The following RANBP2 variants were observed in gnomAD, a reference collection of about 807,000 sequenced individuals.
RANBP2 encodes E3 SUMO-protein ligase RanBP2.
RANBP2 carries 57 observed loss-of-function variants against 303.6 expected under a neutral mutation model. That is an observed-to-expected ratio of 0.19 (90% confidence interval 0.15 to 0.23). The LOEUF (loss-of-function observed/expected upper bound fraction) is 0.23, where lower values mean the gene tolerates loss of function less well. RANBP2 is among the 10% of genes least tolerant of loss of function. The probability of loss-of-function intolerance (pLI) is 1.00; values close to 1 mark genes in which losing one functional copy is unlikely to be tolerated. For synonymous variants in RANBP2, 1,167 were observed against 1,301.5 expected (o/e 0.90, Z 2.23); for missense variants, 3,138 against 3,780.8 (o/e 0.83, Z 4.46).
At chr2:108,815,468 T>TG in the RANBP2 span, among the ~76,000 whole-genome samples, 12 of 136,284 alleles carry the variant, frequency 8.8e-5, no homozygotes, top group South Asian at 2.4e-4. Context: ...GGTGTTTTTT[T>TG]TTTTTTTTTT....
the RANBP2 span, chr2:109,546,090 C>A: frequency 2.5e-6 from 4 of 1,603,426 alleles, no homozygotes; most frequent in Admixed American, 1.7e-5. Context: ...CTGCCTGTTG[C>A]CAGAAAGGAC....
At chr2:109,064,242 G>T in the RANBP2 span, among the ~76,000 whole-genome samples, 4 of 152,088 alleles carry the variant, frequency 2.6e-5, no homozygotes, top group Admixed American at 2.6e-4. Context: ...TGCCGAGGTG[G>T]GCGGATCACA....
At chr2:109,638,242 AAG>A in the RANBP2 span, among the ~76,000 whole-genome samples, 1 of 152,192 alleles carries the variant, frequency 6.6e-6, no homozygotes, top group East Asian at 1.9e-4. Flanking sequence ...AAACAGGCAA[AAG>A]AGTTAAGAGT....
chr2:109,172,767 A>T, the RANBP2 span, among the ~76,000 whole-genome samples: 1 of 152,216 alleles, frequency 6.6e-6, no homozygotes, highest in African/African-American at 2.4e-5. Context: ...TAGCTAAGAA[A>T]CCAAACTGCA....
At chr2:109,414,918 G>A in the RANBP2 span, among the ~76,000 whole-genome samples, 1 of 152,228 alleles carries the variant, frequency 6.6e-6, no homozygotes, top group Non-Finnish European at 1.5e-5. Context: ...ACCTGAGAAT[G>A]TGTCACCTCA....
chr2:108,812,824 A>C, the RANBP2 span: 1 of 1,612,800 alleles, frequency 6.2e-7, no homozygotes, highest in East Asian at 2.2e-5. Context: ...TTGCAGAGGA[A>C]GTACGAGTTT....
the RANBP2 span, among the ~76,000 whole-genome samples, chr2:109,205,375 A>G: frequency 6.6e-6 from 1 of 151,776 alleles, no homozygotes; most frequent in Non-Finnish European, 1.5e-5. Flanking sequence ...AGCTGGGACT[A>G]CAGGCATGCA....
rs868609090 is a variant in RANBP2, at chr2:108,750,688, A to G, written c.1274-576A>G. On this transcript the variant is annotated intron_variant, in intron 9 of 28. Coordinates refer to ENST00000283195, the MANE Select transcript of RANBP2 (RefSeq NM_006267.5). ...CTGCAACTTCCGCCTGCCAGGTTCA[A>G]GCAATTGTCTTGCCTCAGCCTCCCA... 6.6e-5 allele frequency among the ~76,000 whole-genome samples: 10 copies of G among 152,042 alleles called. No individual in the cohort carries two copies. The Middle Eastern group carries it at 0.024, about 364-fold the overall frequency.
At chr2:109,004,950 TCTCA>T in the RANBP2 span, among the ~76,000 whole-genome samples, 2 of 152,198 alleles carry the variant, frequency 1.3e-5, no homozygotes, top group Admixed American at 6.5e-5. Context: ...TATCACTAAT[TCTCA>T]CTCACATATG....
At chr2:109,537,217 CCTT>C in the RANBP2 span, among the ~76,000 whole-genome samples, 4 of 152,172 alleles carry the variant, frequency 2.6e-5, no homozygotes, top group African/African-American at 9.7e-5. Context: ...CAGAAAGTCT[CCTT>C]CTAGCCAGTG....
the RANBP2 span, chr2:108,857,107 T>C: frequency 2.3e-6 from 1 of 438,642 alleles, no homozygotes; most frequent in Non-Finnish European, 3.7e-6. Context: ...TGAGATGGAG[T>C]CTCGCTTTGT....
At chr2:108,872,195 A>G in the RANBP2 span, among the ~76,000 whole-genome samples, 1 of 152,180 alleles carries the variant, frequency 6.6e-6, no homozygotes, top group Non-Finnish European at 1.5e-5. Flanking sequence ...AATTCAGAGA[A>G]GAGTCTGATC....
At chr2:109,545,098 T>C in the RANBP2 span, 9 of 985,304 alleles carry the variant, frequency 9.1e-6, no homozygotes, top group South Asian at 9.4e-5. Flanking sequence ...GGGTCTGAAA[T>C]AGATGCAGTG....
chr2:109,255,088 C>T, the RANBP2 span, among the ~76,000 whole-genome samples: 355 of 152,162 alleles, frequency 2.3e-3, 1 homozygote, highest in African/African-American at 8.1e-3. Context: ...AGGTGGTACC[C>T]GTGTCATGGT....
At chr2:109,347,821 G>T in the RANBP2 span, 1 of 1,613,972 alleles carries the variant, frequency 6.2e-7, no homozygotes, top group South Asian at 1.1e-5. Context: ...CGGCACACAG[G>T]GCTTCCTCCC....
At chr2:108,916,515 G>A in the RANBP2 span, among the ~76,000 whole-genome samples, 3 of 152,002 alleles carry the variant, frequency 2.0e-5, no homozygotes, top group Non-Finnish European at 2.9e-5. Flanking sequence ...ACCCACAGGC[G>A]CCCACCTGCC....
At chr2:108,854,127 T>C in the RANBP2 span, among the ~76,000 whole-genome samples, 7 of 139,622 alleles carry the variant, frequency 5.0e-5, no homozygotes, top group Non-Finnish European at 1.1e-4. Context: ...TATATACATA[T>C]GTAGAAAATG....
the RANBP2 span, among the ~76,000 whole-genome samples, chr2:109,376,450 A>T: frequency 6.6e-6 from 1 of 152,072 alleles, no homozygotes; most frequent in Admixed American, 6.5e-5. Flanking sequence ...TTGCATGGAG[A>T]CTTAGAAGGC....
At chr2:109,465,826 T>C in the RANBP2 span, among the ~76,000 whole-genome samples, 1 of 151,884 alleles carries the variant, frequency 6.6e-6, no homozygotes, top group Non-Finnish European at 1.5e-5. Context: ...CAATCAGGTC[T>C]CATGAGAACT....
Sources: gnomAD v4.1 joint callset for allele counts (sites outside exome capture counted in the v4.1 genomes callset) on GRCh38, gnomAD v4.1.1 for gene constraint, MANE v1.5 for transcripts, NCBI Gene and HGNC (gene_info 2026-07-23, HGNC 2026-07-21) for gene names.